E2F2: variants seen among roughly 807,000 people sequenced by gnomAD.
E2F2 encodes E2F transcription factor 2.
E2F2 carries 22 observed loss-of-function variants against 42.2 expected under a neutral mutation model. The observed-to-expected ratio is 0.52, with a 90% CI of 0.37 to 0.74. The LOEUF is 0.74. E2F2 is among the 30% of genes least tolerant of loss of function. The pLI is 0.00. For synonymous variants in E2F2, 248 were observed against 251.6 expected (o/e 0.99, Z 0.13); for missense variants, 481 against 557.8 (o/e 0.86, Z 1.39).
In E2F2 at chr1:23,526,780, G is replaced by GC. The variant is rs1643257758; in HGVS notation, c.253-2293dup. On this transcript the variant is annotated intron_variant, in intron 1 of 6. Coordinates refer to ENST00000361729, the MANE Select transcript of E2F2 (RefSeq NM_004091.4). ...GCCTCAGCTGCATCCCACACACGCTGCCCCAGGATTTGCTAGAATTTGGGC... is the reference window on the plus strand; with the variant it reads ...GCCTCAGCTGCATCCCACACACGCTGCCCCCAGGATTTGCTAGAATTTGGGC... Among the ~76,000 whole-genome samples, 4 of 151,970 alleles carry GC rather than the reference G, an allele frequency of 2.6e-5. No homozygotes were observed. In the South Asian group the frequency reaches 8.3e-4, roughly 31 times the overall value.
intron 6 of E2F2, among the ~76,000 whole-genome samples, chr1:23,511,575 T>C (rs1473992744): frequency 3.3e-5 from 5 of 152,104 alleles, no homozygotes; most frequent in Admixed American, 3.3e-4. Context: ...TGATTTCCCA[T>C]ACAGGGACAT....
chr1:23,524,543 C>T (rs1450407373), intron 1 of E2F2, 55 bp from the exon 2 acceptor site: 15 of 1,548,354 alleles, frequency 9.7e-6, no homozygotes, highest in African/African-American at 1.4e-5. Flanking sequence ...CTCCTTTAGC[C>T]TTTCCCTGAT....
At chr1:23,520,000 C>G (rs1643104879) in intron 4 of E2F2, among the ~76,000 whole-genome samples, 1 of 151,454 alleles carries the variant, frequency 6.6e-6, no homozygotes, top group African/African-American at 2.4e-5. Flanking sequence ...ATCGCTTGAA[C>G]CCAGGGGGCA....
At chr1:23,529,455 G>T (rs1279937669) in intron 1 of E2F2, among the ~76,000 whole-genome samples, 2 of 152,160 alleles carry the variant, frequency 1.3e-5, no homozygotes, top group Non-Finnish European at 2.9e-5. Flanking sequence ...GACTAGCACA[G>T]GTCTGACCAG....
intron 4 of E2F2, among the ~76,000 whole-genome samples, chr1:23,520,367 G>A (rs1267551376): frequency 6.6e-6 from 1 of 151,574 alleles, no homozygotes; most frequent in East Asian, 1.9e-4. Context: ...CTATGTTAAG[G>A]TGGCAGCTCA....
chr1:23,522,092 G>GGGGA, intron 2 of E2F2, 36 bp from the exon 3 acceptor site: 1 of 1,601,212 alleles, frequency 6.2e-7, no homozygotes, highest in Non-Finnish European at 8.5e-7. Context: ...AGCTCAGGGA[G>GGGGA]GGGAGGGCCC....
rs3218125 is a variant in E2F2, at chr1:23,530,550, G to A, written c.244C>T (p.Arg82Trp). Residue 82 changes from arginine (R) to tryptophan (W), a missense_variant, in exon 1 of 7, where the codon CGG (arginine) becomes TGG (tryptophan). Transcript: ENST00000361729. This position sits in a 1 kb window ranked among gnomAD's most constrained non-coding sequence, Gnocchi z 4.4. The part of the protein sequence containing the change: ...GQVVRCLPAG[R>W]LPAKRKLDLE... ...GGGGCCCCCAGCATTACCGGCAGCC[G>A]GCCTGCCGGCAGGCATCGCACAACT... The A allele has an allele frequency of 2.5e-6, 4 of 1,610,314 alleles. No individual in the cohort carries two copies. Among genetic ancestry groups the A allele is most frequent in the Non-Finnish European group, 3.4e-6 (4 of 1,178,546 alleles).
chr1:23,515,530 T>A (rs1020050597), intron 6 of E2F2, among the ~76,000 whole-genome samples: 5 of 152,074 alleles, frequency 3.3e-5, no homozygotes, highest in Non-Finnish European at 7.4e-5. Flanking sequence ...ATGTCTTATT[T>A]TTTTTTTAAT....
At chr1:23,513,136 T>TTA (rs1553182988) in intron 6 of E2F2, among the ~76,000 whole-genome samples, 4 of 151,062 alleles carry the variant, frequency 2.6e-5, no homozygotes, top group Non-Finnish European at 3.0e-5. Flanking sequence ...TTTTTTTTTT[T>TTA]AAATCACATT....
At chr1:23,513,208 T>C (rs554369187) in intron 6 of E2F2, among the ~76,000 whole-genome samples, 9 of 151,932 alleles carry the variant, frequency 5.9e-5, no homozygotes, top group Non-Finnish European at 1.3e-4. Context: ...GTGTCCCCAT[T>C]TGAGAGATGT....
chr1:23,513,608 G>GTGTGTGTGTC (rs1642957902), intron 6 of E2F2, among the ~76,000 whole-genome samples: 5 of 140,174 alleles, frequency 3.6e-5, no homozygotes, highest in Admixed American at 3.6e-4. Context: ...GTGTGTGTGT[G>GTGTGTGTGTC]TGTCTGTGCA....
At position 23,510,986 on chromosome 1, in the gene E2F2, C is replaced by T. The variant is rs146773903; in HGVS notation, c.1046-838G>A. Among the ~76,000 whole-genome samples the T allele has an allele frequency of 2.0e-5, 3 of 152,174 alleles. No homozygotes were observed. The East Asian group carries it at 5.8e-4, about 30-fold the overall frequency. On this transcript the variant is annotated intron_variant, in intron 6 of 6. Coordinates refer to ENST00000361729, the MANE Select transcript of E2F2 (RefSeq NM_004091.4). Reference sequence around the variant, plus strand: ...CACACAACTATACCTGACCTCATCACCCTCTCCAATTACTGGCCCATTTTT... The same window carrying T: ...CACACAACTATACCTGACCTCATCATCCTCTCCAATTACTGGCCCATTTTT...
Position 23,531,145 on chromosome 1 carries a change from G to T in E2F2, c.-352C>A, listed in dbSNP as rs1270584327. The T allele has an allele frequency of 3.8e-6, 1 of 265,156 alleles. No individual in the cohort carries two copies. The allele number at this position is 265,156 out of a possible 1,614,324, so 16.4% of individuals were successfully genotyped here. ...GGTCCCCGGCGTGCCCTCAAGCTCGGCGGAGACGCGATGCGCTGGGATGGG... is the reference window on the plus strand; with the variant it reads ...GGTCCCCGGCGTGCCCTCAAGCTCGTCGGAGACGCGATGCGCTGGGATGGG... On this transcript the variant is annotated 5_prime_UTR_variant, in exon 1 of 7. Coordinates refer to ENST00000361729, the MANE Select transcript of E2F2 (RefSeq NM_004091.4).
intron 6 of E2F2, among the ~76,000 whole-genome samples, chr1:23,512,206 AAAAT>A (rs1032380079): frequency 6.6e-6 from 1 of 152,176 alleles, no homozygotes; most frequent in Admixed American, 6.6e-5. Flanking sequence ...TCTCAAAATA[AAAAT>A]AAATAAATAA....
intron 6 of E2F2, 140 bp downstream of exon 6, chr1:23,516,195 C>T (rs1643013699): frequency 1.7e-6 from 2 of 1,164,436 alleles, no homozygotes; most frequent in Non-Finnish European, 2.3e-6. Flanking sequence ...GCATTAAGTA[C>T]AATGCACATG....
At chr1:23,527,239 A>T (rs1035532655) in intron 1 of E2F2, among the ~76,000 whole-genome samples, 1 of 152,236 alleles carries the variant, frequency 6.6e-6, no homozygotes, top group Non-Finnish European at 1.5e-5. Flanking sequence ...CTTTGCCCAT[A>T]GGGAGTGCCC....
Position 23,519,089 on chromosome 1 carries a change from T to C in E2F2, c.779A>G (p.Asn260Ser), listed in dbSNP as rs762198846. 5.6e-6 allele frequency: 9 copies of C among 1,613,878 alleles called. No homozygotes were observed. Among genetic ancestry groups the C allele is most frequent in the Non-Finnish European group, 7.6e-6 (9 of 1,179,942 alleles). ...GGCAATCACTGTCTGCTCCTTAAAG[T>C]TGCCAACAGCACGGATATCCTGGTA... Reference protein sequence around the residue: ...VTYQDIRAVGNFKEQTVIAVK... With the variant: ...VTYQDIRAVGSFKEQTVIAVK... The change falls in exon 5 of 7, where the codon AAC (asparagine) becomes AGC (serine). Residue 260 changes from asparagine to serine, a missense_variant. Physicochemically the swap from Asn to Ser is conservative, Grantham distance 46. Transcript: ENST00000361729.
chr1:23,521,738 G>C, intron 3 of E2F2, 99 bp downstream of exon 3: 2 of 1,536,664 alleles, frequency 1.3e-6, no homozygotes, highest in Non-Finnish European at 1.8e-6. Context: ...GTTGCTCTCA[G>C]CCCCGCCCCT....
At chr1:23,515,606 G>A (rs571313383) in intron 6 of E2F2, among the ~76,000 whole-genome samples, 1 of 152,228 alleles carries the variant, frequency 6.6e-6, no homozygotes, top group South Asian at 2.1e-4. Flanking sequence ...GGCTGGTCTT[G>A]AACTCCTGGG....
Sources: gnomAD v4.1 joint callset for allele counts (sites outside exome capture counted in the v4.1 genomes callset) on GRCh38, gnomAD v4.1.1 for gene constraint, Gnocchi (gnomAD v3.1) non-coding constraint, MANE v1.5 for transcripts, NCBI Gene and HGNC (gene_info 2026-07-23, HGNC 2026-07-21) for gene names.